The following PLCB1 variants were observed in gnomAD, a reference collection of about 807,000 sequenced individuals.
The protein encoded by PLCB1 is 1-phosphatidylinositol 4,5-bisphosphate phosphodiesterase beta-1.
PLCB1 carries 46 observed loss-of-function variants against 161.8 expected under a neutral mutation model. The observed-to-expected ratio is 0.28, with a 90% CI of 0.22 to 0.36. PLCB1 has a LOEUF of 0.36. Among genes scored for constraint, PLCB1 ranks in the 10% least tolerant of loss-of-function variants. PLCB1 has a pLI of 1.00. For missense variants in PLCB1, 1,016 were observed against 1,472.5 expected, an observed-to-expected ratio of 0.69 and a Z score of 5.07; for synonymous variants, 517 against 503.7, an observed-to-expected ratio of 1.03 and a Z score of -0.35.
At chr20:8,679,415 T>C (rs1482929885) in intron 9 of PLCB1, among the ~76,000 whole-genome samples, 1 of 152,174 alleles carries the variant, frequency 6.6e-6, no homozygotes. Flanking sequence ...GCAAGGCCAA[T>C]GGGATGGCCC....
At chr20:8,619,318 C>T (rs1399717460) in intron 3 of PLCB1, among the ~76,000 whole-genome samples, 1 of 151,808 alleles carries the variant, frequency 6.6e-6, no homozygotes, top group Non-Finnish European at 1.5e-5. Flanking sequence ...ACTCAGGAGG[C>T]TGAGGCAGGA....
intron 8 of PLCB1, among the ~76,000 whole-genome samples, 177 bp from the exon 9 acceptor site, chr20:8,658,360 GC>G (rs1163088426): frequency 2.0e-5 from 3 of 152,124 alleles, no homozygotes; most frequent in Non-Finnish European, 4.4e-5. Flanking sequence ...GATATTTGTA[GC>G]CCATAGAGGT....
At chr20:8,416,209 A>G (rs922891107) in intron 3 of PLCB1, among the ~76,000 whole-genome samples, 2 of 152,214 alleles carry the variant, frequency 1.3e-5, no homozygotes, top group Non-Finnish European at 2.9e-5. Context: ...AAACAAAATA[A>G]TGAGAAAACT....
chr20:8,635,074 G>C (rs1988718652), intron 4 of PLCB1, among the ~76,000 whole-genome samples: 1 of 151,884 alleles, frequency 6.6e-6, no homozygotes, highest in Admixed American at 6.6e-5. Context: ...TTCATCTGTT[G>C]TTCTGTGAAC....
rs116795117 is a variant in PLCB1 at position 8,254,574 on chromosome 20, A to G, written c.177+104203A>G. On this transcript the variant is annotated intron_variant, in intron 2 of 31. Coordinates refer to ENST00000338037, the MANE Select transcript of PLCB1 (RefSeq NM_015192.4). ...TGAGGAGTGCTTAATCAAGAAAAAA[A>G]AAGGCTTTTCTTCATATAAAGGCTT... 8.5e-3 allele frequency among the ~76,000 whole-genome samples: 1,299 copies of G among 152,016 alleles called. 11 individuals carry two copies. Among genetic ancestry groups the G allele is most frequent in the African/African-American group, 0.03 (1,222 of 41,422 alleles).
chr20:8,535,105 T>TAA lies in PLCB1; in HGVS notation c.247-93170_247-93169dup, dbSNP rs10560220. ...AAATATAATTTTTAGAGTTTTAAAG[T>TAA]AAAAAAAAAAAAAAAAAAAAGGATA... On this transcript the variant is annotated intron_variant, in intron 3 of 31. Coordinates refer to ENST00000338037, the MANE Select transcript of PLCB1 (RefSeq NM_015192.4). Among the ~76,000 whole-genome samples, 8 of 108,304 alleles carry TAA rather than the reference T, an allele frequency of 7.4e-5. No homozygotes were observed. The East Asian group carries it at 1.9e-3, about 25-fold the overall frequency. The allele number at this position is 108,304 out of a possible 152,430, so 71.1% of individuals were successfully genotyped here. A position where few individuals can be genotyped will look rare whatever the true frequency, so the allele number is the denominator to read the frequency against.
chr20:8,561,093 C>T (rs972939990), intron 3 of PLCB1, among the ~76,000 whole-genome samples: 5 of 151,668 alleles, frequency 3.3e-5, no homozygotes, highest in Non-Finnish European at 7.4e-5. Flanking sequence ...GGAAAATGGC[C>T]ACAGAGAGAT....
intron 3 of PLCB1, among the ~76,000 whole-genome samples, chr20:8,450,812 T>C (rs1981042933): frequency 6.6e-6 from 1 of 152,206 alleles, no homozygotes; most frequent in African/African-American, 2.4e-5. Context: ...TCCTAGAAGC[T>C]AATGTTACCC....
At chr20:8,354,941 A>G (rs1986313508) in intron 2 of PLCB1, among the ~76,000 whole-genome samples, 1 of 152,198 alleles carries the variant, frequency 6.6e-6, no homozygotes, top group South Asian at 2.1e-4. Context: ...TACATATATT[A>G]GAGAACGCTT....
At chr20:8,608,603 CT>C (rs1987821316) in intron 3 of PLCB1, among the ~76,000 whole-genome samples, 1 of 152,078 alleles carries the variant, frequency 6.6e-6, no homozygotes, top group Non-Finnish European at 1.5e-5. Context: ...GATAAGGATA[CT>C]TAGATTTATA....
chr20:8,170,657 A>G (rs1232559736), intron 2 of PLCB1, among the ~76,000 whole-genome samples: 5 of 152,192 alleles, frequency 3.3e-5, no homozygotes, highest in Non-Finnish European at 7.3e-5. Flanking sequence ...TGGTACATAG[A>G]AGGAAGGCGA....
At chr20:8,201,620 G>C (rs993695204) in intron 2 of PLCB1, among the ~76,000 whole-genome samples, 5 of 152,064 alleles carry the variant, frequency 3.3e-5, no homozygotes, top group Non-Finnish European at 7.4e-5. Context: ...TTTAATTCCA[G>C]AAGCTTTCCA....
At chr20:8,217,092 C>T (rs1979175328) in intron 2 of PLCB1, among the ~76,000 whole-genome samples, 1 of 152,138 alleles carries the variant, frequency 6.6e-6, no homozygotes, top group South Asian at 2.1e-4. Context: ...TCTCCTAAAC[C>T]TTGTTTTAAA....
intron 27 of PLCB1, among the ~76,000 whole-genome samples, chr20:8,782,355 G>A (rs1321375489): frequency 6.6e-6 from 1 of 152,108 alleles, no homozygotes; most frequent in East Asian, 1.9e-4. Flanking sequence ...TGAATGGTCA[G>A]GTCACACTCC....
At chr20:8,360,311 C>A in intron 2 of PLCB1, among the ~76,000 whole-genome samples, 1 of 152,068 alleles carries the variant, frequency 6.6e-6, no homozygotes, top group Admixed American at 6.5e-5. Context: ...AGCTGATAGA[C>A]GCTGGGGGAT....
intron 2 of PLCB1, among the ~76,000 whole-genome samples, chr20:8,313,022 G>C (rs1283056994): frequency 1.3e-5 from 2 of 152,122 alleles, no homozygotes; most frequent in Non-Finnish European, 2.9e-5. Context: ...AAATGTGAAA[G>C]GAAAGGAAAA....
chr20:8,223,707 G>T (rs755277155), intron 2 of PLCB1, among the ~76,000 whole-genome samples: 4 of 152,124 alleles, frequency 2.6e-5, no homozygotes, highest in Non-Finnish European at 5.9e-5. Context: ...ACATTCTTAA[G>T]AGTGACTCAG....
At chr20:8,492,392 C>A (rs1212974691) in intron 3 of PLCB1, among the ~76,000 whole-genome samples, 1 of 151,992 alleles carries the variant, frequency 6.6e-6, no homozygotes, top group African/African-American at 2.4e-5. Context: ...TGCTGATAAA[C>A]TGTTCAAATA....
At chr20:8,288,111 A>G (rs1983209638) in intron 2 of PLCB1, among the ~76,000 whole-genome samples, 2 of 152,168 alleles carry the variant, frequency 1.3e-5, no homozygotes. Flanking sequence ...TCCAATCGGT[A>G]CATTGGAAAT....
Sources: allele counts gnomAD v4.1 joint callset (sites outside exome capture counted in the v4.1 genomes callset), GRCh38; gene constraint gnomAD v4.1.1; transcripts MANE v1.5; gene names NCBI Gene and HGNC (gene_info 2026-07-23, HGNC 2026-07-21).